Variants in PPFIBP2 observed in about 807,000 individuals in gnomAD.
PPFIBP2 encodes PPFIB scaffold protein 2.
PPFIBP2 carries 118 observed loss-of-function variants against 118.3 expected under a neutral mutation model. That is an observed-to-expected ratio of 1.00 (90% CI 0.86 to 1.16). PPFIBP2 has a LOEUF of 1.16. Ranked by LOEUF, PPFIBP2 falls within the 50% of genes most tolerant of loss-of-function variation. The probability of loss-of-function intolerance (pLI) is 0.00; values close to 1 mark genes in which losing one functional copy is unlikely to be tolerated. For synonymous variants in PPFIBP2, 414 were observed against 397.4 expected (o/e 1.04, Z -0.50); for missense variants, 1,195 against 1,073.1 (o/e 1.11, Z -1.59).
At chr11:7,524,880 C>G (rs1850085898) in intron 1 of PPFIBP2, among the ~76,000 whole-genome samples, 1 of 152,212 alleles carries the variant, frequency 6.6e-6, no homozygotes, top group Non-Finnish European at 1.5e-5. Context: ...CTGACCTTGA[C>G]TGGATGTCAT....
At chr11:7,663,500 C>T in the PPFIBP2 span, among the ~76,000 whole-genome samples, 1 of 152,186 alleles carries the variant, frequency 6.6e-6, no homozygotes. Flanking sequence ...AGGCAGTCTG[C>T]CCGTTCTCAG....
intron 16 of PPFIBP2, 139 bp from the exon 17 acceptor site, chr11:7,642,159 G>C: frequency 1.0e-6 from 1 of 995,868 alleles, no homozygotes; most frequent in Non-Finnish European, 1.5e-6. Flanking sequence ...TGTGATCCTT[G>C]ATCTCTGGGA....
At chr11:7,644,697 G>A (rs560226138) in intron 17 of PPFIBP2, among the ~76,000 whole-genome samples, 5 of 152,154 alleles carry the variant, frequency 3.3e-5, no homozygotes, top group Non-Finnish European at 7.3e-5. Flanking sequence ...TGATCATAGT[G>A]TTAACAGGGC....
intron 1 of PPFIBP2, among the ~76,000 whole-genome samples, chr11:7,540,307 C>G (rs1377490899): frequency 6.6e-6 from 1 of 152,114 alleles, no homozygotes. Context: ...TGCAGCCACT[C>G]TGATGGGAGA....
intron 22 of PPFIBP2, 166 bp from the exon 23 acceptor site, chr11:7,651,489 CA>C: frequency 1.6e-6 from 1 of 607,492 alleles, no homozygotes; most frequent in Non-Finnish European, 2.9e-6. Context: ...TGCTCAGAGC[CA>C]GGCCCTGTGC....
At chr11:7,580,650 C>T (rs989544028) in intron 3 of PPFIBP2, among the ~76,000 whole-genome samples, 2 of 152,090 alleles carry the variant, frequency 1.3e-5, no homozygotes, top group Non-Finnish European at 2.9e-5. Flanking sequence ...GGAGTGAGGC[C>T]TGAATTAGAA....
At chr11:7,558,167 G>T (rs928452518) in intron 2 of PPFIBP2, among the ~76,000 whole-genome samples, 6 of 152,166 alleles carry the variant, frequency 3.9e-5, no homozygotes, top group African/African-American at 4.8e-5. Context: ...CCTGAGATCT[G>T]CCAAGAGCTC....
At chr11:7,516,774 G>T (rs763404496) in intron 1 of PPFIBP2, among the ~76,000 whole-genome samples, 1 of 152,246 alleles carries the variant, frequency 6.6e-6, no homozygotes, top group South Asian at 2.1e-4. Flanking sequence ...TCTTCTGGCC[G>T]GCTGTCTTCC....
chr11:7,665,264 A>AGGT, the PPFIBP2 span: 1 of 948,624 alleles, frequency 1.1e-6, no homozygotes, highest in South Asian at 1.8e-5. Flanking sequence ...GTGTGCGCGA[A>AGGT]GGTACATGGC....
At chr11:7,585,225 T>G (rs1230392950) in intron 3 of PPFIBP2, among the ~76,000 whole-genome samples, 2 of 152,174 alleles carry the variant, frequency 1.3e-5, no homozygotes. Flanking sequence ...CTGGCCAAGA[T>G]GACAACTATT....
At chr11:7,566,089 C>G (rs1854942080) in intron 3 of PPFIBP2, among the ~76,000 whole-genome samples, 1 of 152,042 alleles carries the variant, frequency 6.6e-6, no homozygotes, top group African/African-American at 2.4e-5. Context: ...TTATTGAGTT[C>G]TAATCCCTGG....
intron 1 of PPFIBP2, among the ~76,000 whole-genome samples, chr11:7,517,714 G>A (rs1375642023): frequency 6.6e-6 from 1 of 152,180 alleles, no homozygotes; most frequent in Non-Finnish European, 1.5e-5. Context: ...TGAAAAATTA[G>A]GTAAAGCAGA....
At chr11:7,534,451 G>C (rs964565127) in intron 1 of PPFIBP2, among the ~76,000 whole-genome samples, 4 of 152,194 alleles carry the variant, frequency 2.6e-5, no homozygotes, top group Non-Finnish European at 5.9e-5. Flanking sequence ...TTATGATCTG[G>C]TTGAGGCAAT....
chr11:7,521,483 A>G (rs1849757614), intron 1 of PPFIBP2, among the ~76,000 whole-genome samples: 1 of 152,200 alleles, frequency 6.6e-6, no homozygotes, highest in South Asian at 2.1e-4. Flanking sequence ...ATCTTCCTGG[A>G]AAGCCCTTTT....
At chr11:7,613,489 C>T (rs1848299385) in intron 6 of PPFIBP2, among the ~76,000 whole-genome samples, 1 of 152,154 alleles carries the variant, frequency 6.6e-6, no homozygotes, top group Non-Finnish European at 1.5e-5. Flanking sequence ...TCCTGTTTAC[C>T]TTTTCTCATC....
Position 7,542,946 on chromosome 11 carries a change from A to G in PPFIBP2, c.-36-6494A>G, listed in dbSNP as rs372784964. ...TTATACTGATTTTACAGATGAGACAATTGAGGCTAAAAGAGGTTAAAAGAC... is the reference window on the plus strand; with the variant it reads ...TTATACTGATTTTACAGATGAGACAGTTGAGGCTAAAAGAGGTTAAAAGAC... On this transcript the variant is annotated intron_variant, in intron 1 of 23. Coordinates refer to ENST00000299492, the MANE Select transcript of PPFIBP2 (RefSeq NM_003621.5). Among the ~76,000 whole-genome samples, 24 of 152,372 alleles carry G rather than the reference A, an allele frequency of 1.6e-4. No homozygotes were observed. In the South Asian group the frequency reaches 1.9e-3, roughly 12 times the overall value.
intron 23 of PPFIBP2, among the ~76,000 whole-genome samples, chr11:7,652,360 A>G (rs1476855636): frequency 6.6e-6 from 1 of 152,244 alleles, no homozygotes; most frequent in Non-Finnish European, 1.5e-5. Flanking sequence ...GGGCTCCCAG[A>G]ATCCCACAAA....
chr11:7,612,337 T>C (rs1848164237), intron 6 of PPFIBP2, among the ~76,000 whole-genome samples: 1 of 152,116 alleles, frequency 6.6e-6, no homozygotes, highest in African/African-American at 2.4e-5. Context: ...GCCTCAAGAT[T>C]GCATCTCATT....
rs1183023340 is a variant in PPFIBP2, at chr11:7,605,834, A to G, written c.487-4457A>G. 7 of 1,377,020 alleles carry G rather than the reference A, an allele frequency of 5.1e-6. No homozygotes were observed. The African/African-American group carries it at 8.9e-5, about 17-fold the overall frequency. 85.3% of individuals were successfully genotyped at this position (1,377,020 alleles called of 1,614,324 possible). A position where few individuals can be genotyped will look rare whatever the true frequency, so the allele number is the denominator to read the frequency against. Reference sequence around the variant, plus strand: ...TCAGAGCTGAAGATTTTAGAAGCAAAGCAAACACATTCTGGATACACGTGA... The same window carrying G: ...TCAGAGCTGAAGATTTTAGAAGCAAGGCAAACACATTCTGGATACACGTGA... On this transcript the variant is annotated intron_variant, in intron 5 of 23. Transcript: ENST00000299492.
Sources: gnomAD v4.1 joint callset for allele counts (sites outside exome capture counted in the v4.1 genomes callset) on GRCh38, gnomAD v4.1.1 for gene constraint, MANE v1.5 for transcripts, NCBI Gene and HGNC (gene_info 2026-07-23, HGNC 2026-07-21) for gene names.